The following KCNT2 variants were observed in gnomAD, a reference collection of about 807,000 sequenced individuals.
The protein encoded by KCNT2 is potassium channel subfamily T member 2.
In KCNT2, 67 loss-of-function variants were observed where a neutral mutation model predicts 153.8. The observed-to-expected ratio is 0.44, with a 90% CI of 0.36 to 0.53. The LOEUF (loss-of-function observed/expected upper bound fraction) is 0.53. Ranked by LOEUF, KCNT2 falls within the 20% of genes least tolerant of loss-of-function variation. The probability of loss-of-function intolerance (pLI) is 0.00; values close to 1 mark genes in which losing one functional copy is unlikely to be tolerated. For synonymous variants in KCNT2, 500 were observed against 458.8 expected, an observed-to-expected ratio of 1.09 and a Z score of -1.15; for missense variants, 975 against 1,354.8, an observed-to-expected ratio of 0.72 and a Z score of 4.40.
At chr1:196,399,396 C>G (rs1671227659) in intron 12 of KCNT2, among the ~76,000 whole-genome samples, 2 of 151,642 alleles carry the variant, frequency 1.3e-5, no homozygotes, top group Admixed American at 1.3e-4. Flanking sequence ...AGTCACCAGC[C>G]ACATAATTCT....
chr1:196,463,807 GA>G (rs1677369986), intron 8 of KCNT2, among the ~76,000 whole-genome samples: 1 of 151,706 alleles, frequency 6.6e-6, no homozygotes, highest in South Asian at 2.1e-4. Context: ...CCAAAAAATA[GA>G]AGTACTAGGC....
At chr1:196,564,589 G>C (rs1410012296) in intron 1 of KCNT2, among the ~76,000 whole-genome samples, 1 of 151,664 alleles carries the variant, frequency 6.6e-6, no homozygotes, top group Non-Finnish European at 1.5e-5. Context: ...ACACTATCTG[G>C]CTTCAAATAT....
chr1:196,503,009 A>T (rs1680826045), intron 1 of KCNT2, among the ~76,000 whole-genome samples: 1 of 152,086 alleles, frequency 6.6e-6, no homozygotes, highest in Non-Finnish European at 1.5e-5. Context: ...AAGAGAAAAG[A>T]AAAGAAAGAA....
At chr1:196,362,928 T>C (rs1667749759) in intron 14 of KCNT2, among the ~76,000 whole-genome samples, 1 of 152,118 alleles carries the variant, frequency 6.6e-6, no homozygotes, top group Non-Finnish European at 1.5e-5. Context: ...TCCTCCATGA[T>C]AAAGTTACAA....
At chr1:196,547,858 T>C (rs900229154) in intron 1 of KCNT2, among the ~76,000 whole-genome samples, 8 of 151,944 alleles carry the variant, frequency 5.3e-5, no homozygotes, top group African/African-American at 1.9e-4. Flanking sequence ...CATAAAATTA[T>C]AGATTAGAAA....
chr1:196,370,713 C>T (rs567286713), intron 14 of KCNT2, among the ~76,000 whole-genome samples: 51 of 152,052 alleles, frequency 3.4e-4, no homozygotes, highest in African/African-American at 9.9e-4. Flanking sequence ...TAGATATAGA[C>T]GCAAGAAAAT....
intron 22 of KCNT2, among the ~76,000 whole-genome samples, chr1:196,294,829 G>A (rs1314461327): frequency 2.0e-5 from 3 of 150,644 alleles, no homozygotes; most frequent in Non-Finnish European, 4.4e-5. Flanking sequence ...ATACTATTTT[G>A]CCTAAAAAAA....
chr1:196,417,700 G>A (rs143816526), intron 12 of KCNT2, among the ~76,000 whole-genome samples: 39 of 152,140 alleles, frequency 2.6e-4, no homozygotes, highest in African/African-American at 9.4e-4. Context: ...ACTTAGCGAT[G>A]GGGATATATT....
intron 1 of KCNT2, among the ~76,000 whole-genome samples, chr1:196,595,397 G>A (rs535697766): frequency 2.0e-5 from 3 of 152,138 alleles, no homozygotes; most frequent in South Asian, 4.1e-4. Context: ...TTAGCAACCA[G>A]AAGTTGGCTA....
intron 7 of KCNT2, among the ~76,000 whole-genome samples, chr1:196,466,043 T>C (rs1413668368): frequency 6.6e-6 from 1 of 151,942 alleles, no homozygotes; most frequent in Non-Finnish European, 1.5e-5. Context: ...ATGGCAGAGG[T>C]ATTAATGAAC....
chr1:196,568,333 T>G (rs1283385866), intron 1 of KCNT2, among the ~76,000 whole-genome samples: 1 of 151,790 alleles, frequency 6.6e-6, no homozygotes, highest in Non-Finnish European at 1.5e-5. Flanking sequence ...GTGGCTCACA[T>G]CTGTAATCCC....
chr1:196,454,320 T>A (rs566875171), intron 8 of KCNT2, among the ~76,000 whole-genome samples: 3 of 152,078 alleles, frequency 2.0e-5, no homozygotes, highest in East Asian at 3.9e-4. Flanking sequence ...GATCCCATCA[T>A]CCAGATAGTG....
At chr1:196,537,783 C>G (rs1655780697) in intron 1 of KCNT2, among the ~76,000 whole-genome samples, 1 of 152,166 alleles carries the variant, frequency 6.6e-6, no homozygotes, top group Admixed American at 6.5e-5. Flanking sequence ...GTCTCTCAGT[C>G]CGAAATCAAA....
At chr1:196,308,912 T>G (rs1380296311) in intron 21 of KCNT2, among the ~76,000 whole-genome samples, 1 of 152,066 alleles carries the variant, frequency 6.6e-6, no homozygotes. Flanking sequence ...CAATTTAGCC[T>G]TAATGAATAA....
chr1:196,351,985 C>G (rs1466484626), intron 14 of KCNT2, among the ~76,000 whole-genome samples: 1 of 151,984 alleles, frequency 6.6e-6, no homozygotes, highest in Non-Finnish European at 1.5e-5. Flanking sequence ...GTCTTTGGTT[C>G]TGTTTATATG....
chr1:196,603,775 T>C (rs1363488146), intron 1 of KCNT2, among the ~76,000 whole-genome samples: 2 of 152,250 alleles, frequency 1.3e-5, no homozygotes, highest in African/African-American at 4.8e-5. Flanking sequence ...CTTCTATGGC[T>C]ACAACTGAGG....
At chr1:196,242,362 T>C (rs1236628278) in intron 26 of KCNT2, among the ~76,000 whole-genome samples, 1 of 152,038 alleles carries the variant, frequency 6.6e-6, no homozygotes. Flanking sequence ...GCCTAAAAGA[T>C]TTTGGAAACA....
chr1:196,300,125 G>T (rs1183583349), intron 22 of KCNT2, among the ~76,000 whole-genome samples: 1 of 152,286 alleles, frequency 6.6e-6, no homozygotes, highest in Admixed American at 6.5e-5. Flanking sequence ...AATTACACAG[G>T]CTGCAAGGAG....
Position 196,568,898 on chromosome 1 carries a change from T to C in KCNT2, c.95+39317A>G, listed in dbSNP as rs916181132. Among the ~76,000 whole-genome samples, 5 of 152,200 alleles carry C rather than the reference T, an allele frequency of 3.3e-5. No individual in the cohort carries two copies. In the East Asian group the frequency reaches 9.7e-4, roughly 29 times the overall value. On this transcript the variant is annotated intron_variant, in intron 1 of 27. Transcript: ENST00000294725. Reference sequence around the variant, plus strand: ...CAGAGAAAAAATTCATAGCTGTTGGTTCAAAGAACTCTGTACGGTAAAATC... The same window carrying C: ...CAGAGAAAAAATTCATAGCTGTTGGCTCAAAGAACTCTGTACGGTAAAATC...
Sources: gnomAD v4.1 joint callset for allele counts (sites outside exome capture counted in the v4.1 genomes callset) on GRCh38, gnomAD v4.1.1 for gene constraint, MANE v1.5 for transcripts, NCBI Gene and HGNC (gene_info 2026-07-23, HGNC 2026-07-21) for gene names.